Variants in ARHGEF38 observed in about 807,000 individuals in gnomAD.
ARHGEF38 encodes Rho guanine nucleotide exchange factor 38, also known as Rho guanine nucleotide exchange factor (GEF) 38.
A neutral mutation model predicts 79.9 loss-of-function variants in ARHGEF38; 79 were observed. The observed-to-expected ratio is 0.99, with a 90% CI of 0.82 to 1.19. The LOEUF (loss-of-function observed/expected upper bound fraction) is 1.19. Ranked by LOEUF, ARHGEF38 falls within the 50% of genes most tolerant of loss-of-function variation. The pLI is 0.00. For missense variants in ARHGEF38, 962 were observed against 907.2 expected, an observed-to-expected ratio of 1.06 and a Z score of -0.78; for synonymous variants, 366 against 328.3, an observed-to-expected ratio of 1.11 and a Z score of -1.24.
chr4:105,573,328 T>C (rs1726328593), intron 1 of ARHGEF38, among the ~76,000 whole-genome samples: 1 of 152,186 alleles, frequency 6.6e-6, no homozygotes, highest in Admixed American at 6.5e-5. Context: ...TTCAATATCA[T>C]GAAATTTTTG....
chr4:105,562,832 T>C (rs1291041904), intron 1 of ARHGEF38, among the ~76,000 whole-genome samples: 1 of 151,986 alleles, frequency 6.6e-6, no homozygotes, highest in Non-Finnish European at 1.5e-5. Flanking sequence ...CAACATTCTG[T>C]GACCACCACC....
chr4:105,579,240 T>C (rs770820352), intron 1 of ARHGEF38, among the ~76,000 whole-genome samples: 3 of 152,184 alleles, frequency 2.0e-5, no homozygotes, highest in Non-Finnish European at 4.4e-5. Flanking sequence ...GTTGCCTGAT[T>C]GTTCTGGCCA....
intron 3 of ARHGEF38, among the ~76,000 whole-genome samples, chr4:105,623,977 A>G (rs1259687560): frequency 6.6e-6 from 1 of 152,050 alleles, no homozygotes; most frequent in Non-Finnish European, 1.5e-5. Flanking sequence ...CACAATTATG[A>G]CATTGTCTTC....
At chr4:105,553,042 C>A in intron 1 of ARHGEF38, 81 bp downstream of exon 1, 1 of 1,173,260 alleles carries the variant, frequency 8.5e-7, no homozygotes, top group Non-Finnish European at 1.2e-6. Flanking sequence ...AAAGAAAACA[C>A]ACAAGGCAGA....
intron 1 of ARHGEF38, among the ~76,000 whole-genome samples, chr4:105,583,370 C>T (rs1726885707): frequency 6.6e-6 from 1 of 152,176 alleles, no homozygotes; most frequent in Non-Finnish European, 1.5e-5. Context: ...CACCAAATCT[C>T]TTATCCTCTC....
chr4:105,657,016 GAGATAGATAGATGATAGATAGAT>G (rs954182048), intron 9 of ARHGEF38, among the ~76,000 whole-genome samples: 23 of 151,826 alleles, frequency 1.5e-4, no homozygotes, highest in African/African-American at 3.6e-4. Context: ...TGGTGATGAT[GAGATAGATAGATGATAGATAGAT>G]AGATAGATAG....
chr4:105,567,412 A>C (rs1252468496), intron 1 of ARHGEF38, among the ~76,000 whole-genome samples: 1 of 152,226 alleles, frequency 6.6e-6, no homozygotes, highest in Admixed American at 6.5e-5. Flanking sequence ...GTTTTCACAG[A>C]AACATACACA....
intron 3 of ARHGEF38, among the ~76,000 whole-genome samples, chr4:105,628,340 G>A (rs1382969944): frequency 6.6e-6 from 1 of 152,120 alleles, no homozygotes; most frequent in Non-Finnish European, 1.5e-5. Context: ...GCTGCTGAGC[G>A]TCCAGCTAAG....
chr4:105,663,970 C>CA (rs58428081), intron 10 of ARHGEF38, among the ~76,000 whole-genome samples: 9,880 of 107,486 alleles, frequency 0.092, 341 homozygotes, highest in Middle Eastern at 0.13. Context: ...AACTCCGTCT[C>CA]AAAAAAAAAA....
rs146544187 is a variant in ARHGEF38, at chr4:105,612,180, C to G, written c.385-1204C>G. Among the ~76,000 whole-genome samples the G allele has an allele frequency of 8.4e-3, 1,278 of 152,174 alleles. 13 individuals carry two copies. Among genetic ancestry groups the G allele is most frequent in the African/African-American group, 0.022 (913 of 41,552 alleles). On this transcript the variant is annotated intron_variant, in intron 2 of 13. Transcript: ENST00000420470. ...GAGCAGGTTGCTTTCTTCCTTACCC[C>G]TTGAATAGACCCCACACACACCTGA...
chr4:105,646,060 A>G (rs17036066), intron 6 of ARHGEF38, among the ~76,000 whole-genome samples: 6,577 of 152,324 alleles, frequency 0.043, 200 homozygotes, highest in Middle Eastern at 0.13. Context: ...TTGTGTTCAC[A>G]TAAGTTCTTA....
chr4:105,584,541 A>G (rs567831975), intron 1 of ARHGEF38, among the ~76,000 whole-genome samples: 1 of 152,344 alleles, frequency 6.6e-6, no homozygotes, highest in East Asian at 1.9e-4. Context: ...TAATAGATCT[A>G]ATAAATGGTA....
chr4:105,625,655 G>A (rs1297768906), intron 3 of ARHGEF38, among the ~76,000 whole-genome samples: 2 of 152,328 alleles, frequency 1.3e-5, no homozygotes, highest in East Asian at 3.9e-4. Flanking sequence ...AAAATTCCTG[G>A]ACATTGTCAT....
At chr4:105,661,904 G>GT (rs368591616) in intron 10 of ARHGEF38, among the ~76,000 whole-genome samples, 7 of 151,788 alleles carry the variant, frequency 4.6e-5, no homozygotes, top group Non-Finnish European at 1.0e-4. Context: ...TATTTCCAAC[G>GT]TTTTTTTATT....
At chr4:105,654,850 T>A (rs2110556322) in intron 8 of ARHGEF38, among the ~76,000 whole-genome samples, 1 of 152,344 alleles carries the variant, frequency 6.6e-6, no homozygotes, top group Non-Finnish European at 1.5e-5. Flanking sequence ...TTAGTAGTGT[T>A]ACATGTAAAT....
At chr4:105,639,009 G>A (rs1046731322) in intron 5 of ARHGEF38, among the ~76,000 whole-genome samples, 1 of 152,008 alleles carries the variant, frequency 6.6e-6, no homozygotes, top group African/African-American at 2.4e-5. Context: ...TTCAAAAAAA[G>A]CTGAGCTAAT....
chr4:105,568,974 TAA>T, intron 1 of ARHGEF38, among the ~76,000 whole-genome samples: 1 of 152,330 alleles, frequency 6.6e-6, no homozygotes, highest in Middle Eastern at 3.4e-3. Flanking sequence ...TATTCTTTAC[TAA>T]GAGATCAGTA....
At chr4:105,622,725 G>A (rs1034548140) in intron 3 of ARHGEF38, among the ~76,000 whole-genome samples, 1 of 152,104 alleles carries the variant, frequency 6.6e-6, no homozygotes, top group Non-Finnish European at 1.5e-5. Context: ...CCCTTAGATG[G>A]CTACTCCATT....
chr4:105,673,986 T>C (rs1234568153), intron 13 of ARHGEF38, among the ~76,000 whole-genome samples: 2 of 152,158 alleles, frequency 1.3e-5, no homozygotes, highest in Non-Finnish European at 2.9e-5. Context: ...ACCTTTTAGT[T>C]TTAGAACAGA....
Sources: allele counts gnomAD v4.1 joint callset (sites outside exome capture counted in the v4.1 genomes callset), GRCh38; gene constraint gnomAD v4.1.1; transcripts MANE v1.5; gene names NCBI Gene and HGNC (gene_info 2026-07-23, HGNC 2026-07-21).